Variants in DLGAP2 observed in about 807,000 individuals in gnomAD.
DLGAP2 encodes DLG associated protein 2.
In DLGAP2, 26 loss-of-function variants were observed where a neutral mutation model predicts 100.3. The ratio of observed to expected loss-of-function variants is 0.26; its 90% CI spans 0.19 to 0.36. The LOEUF (loss-of-function observed/expected upper bound fraction) is 0.36. Ranked by LOEUF, DLGAP2 falls within the 10% of genes least tolerant of loss-of-function variation. DLGAP2 has a pLI of 1.00. For synonymous variants in DLGAP2, 886 were observed against 630.1 expected (o/e 1.41, Z -6.08); for missense variants, 1,858 against 1,453.2 (o/e 1.28, Z -4.53).
At position 881,830 on chromosome 8, in the gene DLGAP2, A is replaced by G. The variant is rs1019957436; in HGVS notation, c.19-26082A>G. Among the ~76,000 whole-genome samples the G allele has an allele frequency of 2.6e-5, 4 of 151,762 alleles. No homozygotes were observed. In the East Asian group the frequency reaches 5.8e-4, roughly 22 times the overall value. On this transcript the variant is annotated intron_variant, in intron 1 of 14. Transcript: ENST00000637795. The stretch of plus-strand genomic sequence containing the variant: ...CTGTGTCCAGTCCATCTCTCTTTTT[A>G]TTGGAAACATATGCCCTGTCACTTT...
intron 2 of DLGAP2, among the ~76,000 whole-genome samples, chr8:1,257,777 C>T (rs1159322697): frequency 3.9e-5 from 6 of 152,102 alleles, no homozygotes; most frequent in South Asian, 4.2e-4. Flanking sequence ...CCCGAGGGCC[C>T]GTGCAGGCCA....
intron 2 of DLGAP2, among the ~76,000 whole-genome samples, chr8:1,131,151 C>A (rs1477690098): frequency 6.6e-6 from 1 of 152,190 alleles, no homozygotes; most frequent in Admixed American, 6.5e-5. Context: ...TCTACCTTCA[C>A]ACGGTTCTCT....
intron 1 of DLGAP2, among the ~76,000 whole-genome samples, chr8:788,232 T>A (rs1240449233): frequency 1.3e-5 from 2 of 152,254 alleles, no homozygotes; most frequent in Non-Finnish European, 2.9e-5. Context: ...CACAGCGTCC[T>A]GTTGTTATTC....
At chr8:1,177,123 G>C (rs962348922) in intron 2 of DLGAP2, among the ~76,000 whole-genome samples, 9 of 152,182 alleles carry the variant, frequency 5.9e-5, no homozygotes, top group Admixed American at 5.9e-4. Context: ...TGGTCTAAAA[G>C]TCCCAGCCTT....
At position 1,431,587 on chromosome 8, in the gene DLGAP2, C is replaced by G. The variant is rs182989608; in HGVS notation, c.107-69779C>G. Among the ~76,000 whole-genome samples, 540 of 152,326 alleles carry G rather than the reference C, an allele frequency of 3.5e-3. 3 individuals are homozygous for G. Among genetic ancestry groups the G allele is most frequent in the African/African-American group, 0.012 (513 of 41,582 alleles). Reference sequence around the variant, plus strand: ...TTCCCAGGCCAAAGGCAGCACTGGCCACATCCACCTGTATAAAGAGTCAGC... The same window carrying G: ...TTCCCAGGCCAAAGGCAGCACTGGCGACATCCACCTGTATAAAGAGTCAGC... On this transcript the variant is annotated intron_variant, in intron 3 of 14. Transcript: ENST00000637795.
chr8:1,239,791 C>T (rs1798743658), intron 2 of DLGAP2, among the ~76,000 whole-genome samples: 1 of 49,046 alleles, frequency 2.0e-5, no homozygotes, highest in Non-Finnish European at 3.9e-5. Context: ...CACATGGCGC[C>T]GTGTCTAGTT....
In DLGAP2 at chr8:1,029,941, T is replaced by A. The variant is rs145521225; in HGVS notation, c.73+121975T>A. ...ATGTGGAAAAGGAGGGTGTGGTTGG[T>A]GCAGAGACCCGGTTAAGGGAAGAGG... On this transcript the variant is annotated intron_variant, in intron 2 of 14. Coordinates refer to ENST00000637795, the MANE Select transcript of DLGAP2 (RefSeq NM_001346810.2). Among the ~76,000 whole-genome samples, 551 of 152,192 alleles carry A rather than the reference T, an allele frequency of 3.6e-3. 4 individuals carry two copies. Among genetic ancestry groups the A allele is most frequent in the Middle Eastern group, 0.017 (5 of 294 alleles).
chr8:1,652,126 G>T (rs1383771317), intron 8 of DLGAP2, among the ~76,000 whole-genome samples: 3 of 152,216 alleles, frequency 2.0e-5, no homozygotes, highest in Non-Finnish European at 4.4e-5. Flanking sequence ...TTTCCTAAAT[G>T]ATTCCATAAA....
At chr8:1,641,048 C>G (rs1192700994) in intron 8 of DLGAP2, among the ~76,000 whole-genome samples, 2 of 152,092 alleles carry the variant, frequency 1.3e-5, no homozygotes, top group East Asian at 3.9e-4. Context: ...AGGAGAAGCC[C>G]TGGGAGACAC....
chr8:1,596,339 G>A (rs555538504), intron 6 of DLGAP2, among the ~76,000 whole-genome samples: 1 of 152,272 alleles, frequency 6.6e-6, no homozygotes, highest in South Asian at 2.1e-4. Flanking sequence ...ACATACATGT[G>A]CATGTGTCTT....
intron 3 of DLGAP2, among the ~76,000 whole-genome samples, chr8:1,454,431 G>A (rs1798248321): frequency 1.3e-5 from 2 of 151,508 alleles, no homozygotes; most frequent in South Asian, 4.2e-4. Context: ...GTTCCTGCTG[G>A]CAACTTCACA....
chr8:1,047,235 C>A (rs527519821), intron 2 of DLGAP2, among the ~76,000 whole-genome samples: 3 of 152,194 alleles, frequency 2.0e-5, no homozygotes, highest in Non-Finnish European at 4.4e-5. Context: ...AGGAAACATA[C>A]AATATGCAAC....
chr8:1,502,465 G>A (rs1220977685), intron 4 of DLGAP2, among the ~76,000 whole-genome samples: 1 of 152,156 alleles, frequency 6.6e-6, no homozygotes, highest in East Asian at 1.9e-4. Context: ...ATAAGATGAT[G>A]GAAATGGGTA....
At chr8:947,212 G>C (rs1209263567) in intron 2 of DLGAP2, among the ~76,000 whole-genome samples, 1 of 152,190 alleles carries the variant, frequency 6.6e-6, no homozygotes, top group Non-Finnish European at 1.5e-5. Flanking sequence ...AGCCCGGGGA[G>C]CTGCATCTGC....
chr8:1,446,579 T>C (rs1797991593), intron 3 of DLGAP2, among the ~76,000 whole-genome samples: 1 of 152,114 alleles, frequency 6.6e-6, no homozygotes. Flanking sequence ...ATGCGGGCTC[T>C]TTTTTGGTTC....
chr8:1,295,398 G>T (rs770592097), intron 3 of DLGAP2, among the ~76,000 whole-genome samples: 3 of 152,212 alleles, frequency 2.0e-5, no homozygotes, highest in Non-Finnish European at 2.9e-5. Context: ...GGTGGCTCTG[G>T]AGTTCTCCCT....
At chr8:1,581,961 G>T (rs1803285012) in intron 6 of DLGAP2, among the ~76,000 whole-genome samples, 1 of 141,414 alleles carries the variant, frequency 7.1e-6, no homozygotes, top group Non-Finnish European at 1.5e-5. Context: ...GAAGGATACA[G>T]ACAATCCCCA....
At chr8:1,051,317 G>A (rs1802703963) in intron 2 of DLGAP2, among the ~76,000 whole-genome samples, 1 of 152,034 alleles carries the variant, frequency 6.6e-6, no homozygotes, top group Admixed American at 6.6e-5. Flanking sequence ...GAGGGGCACC[G>A]GGCTGTGTTG....
chr8:1,045,573 G>A (rs925197836), intron 2 of DLGAP2, among the ~76,000 whole-genome samples: 3 of 152,102 alleles, frequency 2.0e-5, no homozygotes, highest in Non-Finnish European at 4.4e-5. Context: ...TCCATGCTGG[G>A]CATCAGTCTC....
Sources: allele counts gnomAD v4.1 joint callset (sites outside exome capture counted in the v4.1 genomes callset), GRCh38; gene constraint gnomAD v4.1.1; transcripts MANE v1.5; gene names NCBI Gene and HGNC (gene_info 2026-07-23, HGNC 2026-07-21).